Variants in PIP5K1C observed in about 807,000 individuals in gnomAD.
The protein encoded by PIP5K1C is phosphatidylinositol-4-phosphate 5-kinase type 1 gamma, also known as phosphatidylinositol 4-phosphate 5-kinase type-1 gamma.
A neutral mutation model predicts 80.1 loss-of-function variants in PIP5K1C; 45 were observed. That is an observed-to-expected ratio of 0.56 (90% CI 0.44 to 0.72). The LOEUF is 0.72. PIP5K1C is among the 30% of genes least tolerant of loss of function. The pLI, the probability that PIP5K1C is intolerant of heterozygous loss-of-function variation, is 0.00. For synonymous variants in PIP5K1C, 498 were observed against 420.1 expected, an observed-to-expected ratio of 1.19 and a Z score of -2.27; for missense variants, 753 against 954.6, an observed-to-expected ratio of 0.79 and a Z score of 2.78.
chr19:3,651,089 C>G lies in PIP5K1C; in HGVS notation c.1127+737G>C, dbSNP rs182906364. 3.3e-3 allele frequency among the ~76,000 whole-genome samples: 473 copies of G among 145,454 alleles called. 2 individuals carry two copies. Among genetic ancestry groups the G allele is most frequent in the African/African-American group, 0.012 (459 of 38,820 alleles). On this transcript the variant is annotated intron_variant, in intron 8 of 17. Coordinates refer to ENST00000335312, the MANE Select transcript of PIP5K1C (RefSeq NM_012398.3). ...TTTTTTTTTAAGACAGGGTCTCACT[C>G]TGTTGCCCAAGCTGGAGTGCAGTGG...
At chr19:3,651,517 G>A (rs1599961618) in intron 8 of PIP5K1C, among the ~76,000 whole-genome samples, 1 of 152,302 alleles carries the variant, frequency 6.6e-6, no homozygotes, top group South Asian at 2.1e-4. Flanking sequence ...ACCCCTCTGA[G>A]TGCCACCGGG....
intron 1 of PIP5K1C, among the ~76,000 whole-genome samples, chr19:3,667,680 C>G (rs900996644): frequency 6.6e-6 from 1 of 152,210 alleles, no homozygotes; most frequent in African/African-American, 2.4e-5. Flanking sequence ...GGGCTTGGAC[C>G]TGCCTGGAGG....
At chr19:3,662,707 AGGTGCGC>A (rs1485282945) in intron 3 of PIP5K1C, among the ~76,000 whole-genome samples, 2 of 151,798 alleles carry the variant, frequency 1.3e-5, no homozygotes. Flanking sequence ...CTGGGATTAT[AGGTGCGC>A]GCCGTCACGC....
chr19:3,653,100 G>A (rs2034508472), intron 7 of PIP5K1C, among the ~76,000 whole-genome samples, 190 bp downstream of exon 7: 1 of 152,240 alleles, frequency 6.6e-6, no homozygotes, highest in South Asian at 2.1e-4. Flanking sequence ...ACTGTGTCCG[G>A]CCACATTTTA....
intron 15 of PIP5K1C, among the ~76,000 whole-genome samples, chr19:3,640,574 T>C (rs2033918442): frequency 6.6e-6 from 1 of 152,212 alleles, no homozygotes; most frequent in African/African-American, 2.4e-5. Context: ...AGAACTATTG[T>C]GTCCTGTGTT....
rs993434405 is a variant in PIP5K1C at position 3,666,752 on chromosome 19, C to G, written c.126+570G>C. 2.7e-5 allele frequency among the ~76,000 whole-genome samples: 4 copies of G among 150,726 alleles called. No homozygotes were observed. The East Asian group carries it at 7.8e-4, about 29-fold the overall frequency. On this transcript the variant is annotated intron_variant, in intron 2 of 17. Transcript: ENST00000335312. ...GCACGCAGGCAAACATGCACACACA[C>G]AAACGTGCACACACGCACGCAGGCA...
In PIP5K1C at chr19:3,641,763, C is replaced by A. The variant is rs1439517915; in HGVS notation, c.1729G>T (p.Val577Leu). Residue 577 changes from valine to leucine, a missense_variant, in exon 15 of 18, where the codon GTG becomes TTG. Around this residue, in one of 6 missense-constraint regions of PIP5K1C, gnomAD observed 315 missense variants for 294.5 expected, o/e 1.07. Transcript: ENST00000335312. ...ACGCTGCACGCAGGCTCCACCTGCA[C>A]TGTAATCTGCTGCAGATCCTCTTCC... Reference protein sequence around the residue: ...PAEEDLQQITVQVEPACSVEI... With the variant: ...PAEEDLQQITLQVEPACSVEI... 6.2e-7 allele frequency: 1 copy of A among 1,612,082 alleles called. No homozygotes were observed. The highest frequency in any genetic ancestry group is 1.1e-5 in the South Asian group (1 of 91,084).
chr19:3,641,764 T>G lies in PIP5K1C; in HGVS notation c.1728A>C (p.Thr576=). Residue 576 remains threonine, a synonymous_variant, in exon 15 of 18, where the codon ACA becomes ACC. Transcript: ENST00000335312. ...PPAEEDLQQI[T]VQVEPACSVE... is the part of the protein sequence containing the mutation. ...CGCTGCACGCAGGCTCCACCTGCACTGTAATCTGCTGCAGATCCTCTTCCG... is the reference window on the plus strand; with the variant it reads ...CGCTGCACGCAGGCTCCACCTGCACGGTAATCTGCTGCAGATCCTCTTCCG... The G allele has an allele frequency of 2.5e-6, 4 of 1,612,080 alleles. No homozygotes were observed. Among genetic ancestry groups the G allele is most frequent in the Non-Finnish European group, 3.4e-6 (4 of 1,180,000 alleles).
chr19:3,645,856 C>A (rs2034191434), intron 11 of PIP5K1C, 118 bp downstream of exon 11: 3 of 802,780 alleles, frequency 3.7e-6, no homozygotes, highest in Non-Finnish European at 6.8e-6. Flanking sequence ...GGCACAGGGG[C>A]TCTGAGTTTA....
chr19:3,642,895 G>A lies in PIP5K1C; in HGVS notation c.1682+12C>T. 2.5e-6 allele frequency: 4 copies of A among 1,611,000 alleles called. No homozygotes were observed. Among genetic ancestry groups the A allele is most frequent in the Non-Finnish European group, 2.5e-6 (3 of 1,177,764 alleles). On this transcript the variant is annotated intron_variant, in intron 14 of 17. Transcript: ENST00000335312. ...TGGTGAGACCCAGGGAAGGAAGGGG[G>A]TTGGGTCTCACCTGCCATCCTGTCC...
intron 1 of PIP5K1C, among the ~76,000 whole-genome samples, chr19:3,679,235 C>T (rs2035512941): frequency 6.6e-6 from 1 of 152,066 alleles, no homozygotes; most frequent in Non-Finnish European, 1.5e-5. Flanking sequence ...AGTGGGGACA[C>T]GGGTCACAGA....
rs143806735 is a variant in PIP5K1C at position 3,688,310 on chromosome 19, T to C, written c.94+11987A>G. ...GGGAATTCCTTCCAGAGCCTGAGGT[T>C]AGGCCGTGGTGGGAAACAGAGCGGG... On this transcript the variant is annotated intron_variant, in intron 1 of 17. Coordinates refer to ENST00000335312, the MANE Select transcript of PIP5K1C (RefSeq NM_012398.3). The surrounding 1 kb of genome is among the most constrained non-coding windows in gnomAD (Gnocchi z 5.3). Among the ~76,000 whole-genome samples, 1,759 of 152,296 alleles carry C rather than the reference T, an allele frequency of 0.012. 23 individuals are homozygous for C. Among genetic ancestry groups the C allele is most frequent in the Middle Eastern group, 0.027 (8 of 294 alleles).
intron 17 of PIP5K1C, 37 bp downstream of exon 17, chr19:3,633,400 C>T (rs1453685820): frequency 1.4e-6 from 2 of 1,429,438 alleles, no homozygotes; most frequent in Admixed American, 2.4e-5. Flanking sequence ...AACCTTGGAG[C>T]CCACGGGACC....
At chr19:3,666,165 G>C (rs1223788080) in intron 2 of PIP5K1C, among the ~76,000 whole-genome samples, 1 of 152,240 alleles carries the variant, frequency 6.6e-6, no homozygotes, top group Non-Finnish European at 1.5e-5. Context: ...AGCCCTCCAA[G>C]CTCTGGCTAC....
chr19:3,639,156 G>A (rs756043596), intron 15 of PIP5K1C, 140 bp from the exon 16 acceptor site: 83 of 955,790 alleles, frequency 8.7e-5, no homozygotes, highest in Non-Finnish European at 1.1e-4. Context: ...CAGGCCGCGC[G>A]CTCCTGCGCT....
chr19:3,694,428 C>G (rs1357871835), intron 1 of PIP5K1C, among the ~76,000 whole-genome samples: 1 of 152,096 alleles, frequency 6.6e-6, no homozygotes, highest in Non-Finnish European at 1.5e-5. Context: ...CCTGCTCTGT[C>G]CTCAGTCCTC....
In PIP5K1C at chr19:3,700,363, C is replaced by T; in HGVS notation, c.28G>A (p.Glu10Lys). Residue 10 changes from glutamate to lysine, a missense_variant, in exon 1 of 18, where the codon GAG (glutamate) becomes AAG (lysine). Physicochemically the swap from Glu to Lys is moderately conservative, Grantham distance 56. This residue lies in a region of PIP5K1C where 78 missense variants were observed against 67.1 expected (regional missense o/e 1.16). Coordinates refer to ENST00000335312, the MANE Select transcript of PIP5K1C (RefSeq NM_012398.3). MELEVPDEA[E>K]SAEAGAVPSE... ...GGCACGGCCCCCGCCTCAGCGCTCT[C>T]CGCCTCGTCCGGTACCTCCAGCTCC... 7.8e-7 allele frequency: 1 copy of T among 1,279,930 alleles called. No homozygotes were observed. 79.3% of individuals were successfully genotyped at this position (1,279,930 alleles called of 1,614,324 possible).
Position 3,656,501 on chromosome 19 carries a change from G to C in PIP5K1C, c.525C>G (p.Ser175=). 3.1e-6 allele frequency: 5 copies of C among 1,613,878 alleles called. No homozygotes were observed. The highest frequency in any genetic ancestry group is 4.2e-6 in the Non-Finnish European group (5 of 1,180,020). The change falls in exon 6 of 18, where the codon TCC becomes TCG. Residue 175 remains serine, a synonymous_variant. Transcript: ENST00000335312. ...IELSNPGASG[S]LFYVTSDDEF... The stretch of plus-strand genomic sequence containing the variant: ...CGTCGTCGCTGGTGACGTAGAAGAG[G>C]GAGCCACTGGCGCCCGGGTTGGACA...
intron 1 of PIP5K1C, among the ~76,000 whole-genome samples, chr19:3,682,226 T>C (rs2035611585): frequency 1.3e-5 from 2 of 151,518 alleles, no homozygotes; most frequent in African/African-American, 2.4e-5. Context: ...ATACAAACAT[T>C]AGCCAGGCAT....
Sources: allele counts gnomAD v4.1 joint callset (sites outside exome capture counted in the v4.1 genomes callset), GRCh38; gene constraint gnomAD v4.1.1; regional missense constraint gnomAD v4.1.1; non-coding constraint Gnocchi (gnomAD v3.1); transcripts MANE v1.5; gene names NCBI Gene and HGNC (gene_info 2026-07-23, HGNC 2026-07-21).